RORA: variants seen among roughly 807,000 people sequenced by gnomAD.
RORA encodes RAR related orphan receptor A.
In RORA, 7 loss-of-function variants were observed where a neutral mutation model predicts 69.5. The ratio of observed to expected loss-of-function variants is 0.10; its 90% CI spans 0.06 to 0.19. The LOEUF (loss-of-function observed/expected upper bound fraction) is 0.19. Among genes scored for constraint, RORA ranks in the 10% least tolerant of loss-of-function variants. The pLI is 1.00. For missense variants in RORA, 457 were observed against 663.0 expected, an observed-to-expected ratio of 0.69 and a Z score of 3.41; for synonymous variants, 261 against 240.8, an observed-to-expected ratio of 1.08 and a Z score of -0.78.
chr15:61,198,346 C>T (rs544403206), intron 1 of RORA, among the ~76,000 whole-genome samples: 47 of 152,166 alleles, frequency 3.1e-4, no homozygotes, highest in Non-Finnish European at 5.6e-4. Flanking sequence ...AGGAAGATAA[C>T]CTAGATCTAG....
chr15:60,488,644 T>C lies in RORA; in HGVS notation c.*8811A>G, dbSNP rs1221030749. ...ATAAAGATCATTAGCAAAGTTTTAG[T>C]TCAATACTAGTTTTAGGATTCCCAT... On this transcript the variant is annotated 3_prime_UTR_variant, in exon 11 of 11. Transcript: ENST00000335670. 1 of 152,242 alleles carries C rather than the reference T, an allele frequency of 6.6e-6. No homozygotes were observed. The allele number at this position is 152,242 out of a possible 1,614,324, so 9.4% of individuals were successfully genotyped here.
chr15:61,019,433 T>C (rs1162477791), intron 1 of RORA, among the ~76,000 whole-genome samples: 5 of 152,226 alleles, frequency 3.3e-5, no homozygotes, highest in African/African-American at 1.2e-4. Context: ...TTATCAAGTA[T>C]ATACCAAACA....
chr15:60,704,167 C>T (rs138203776), intron 1 of RORA, among the ~76,000 whole-genome samples: 63 of 152,338 alleles, frequency 4.1e-4, no homozygotes, highest in African/African-American at 1.3e-3. Flanking sequence ...GACAAAAATG[C>T]GCCACTCCAA....
intron 1 of RORA, among the ~76,000 whole-genome samples, chr15:61,186,466 C>A (rs1025266159): frequency 4.0e-5 from 6 of 151,804 alleles, no homozygotes; most frequent in Non-Finnish European, 7.4e-5. Flanking sequence ...CATGGTGGAA[C>A]CCTGTCTCTA....
At chr15:61,212,593 T>C (rs1462247118) in intron 1 of RORA, among the ~76,000 whole-genome samples, 4 of 152,106 alleles carry the variant, frequency 2.6e-5, no homozygotes, top group African/African-American at 7.2e-5. Context: ...GGTTTCACCA[T>C]ATTGGCCAGG....
At chr15:60,897,890 G>C (rs1304565714) in intron 1 of RORA, among the ~76,000 whole-genome samples, 1 of 152,140 alleles carries the variant, frequency 6.6e-6, no homozygotes, top group Non-Finnish European at 1.5e-5. Context: ...AATAAATAGA[G>C]GATGACCCCT....
At chr15:61,099,813 G>T (rs2078850672) in intron 1 of RORA, among the ~76,000 whole-genome samples, 1 of 152,146 alleles carries the variant, frequency 6.6e-6, no homozygotes, top group Non-Finnish European at 1.5e-5. Context: ...TACTCATCAA[G>T]TCAGGAAACA....
intron 1 of RORA, among the ~76,000 whole-genome samples, chr15:60,681,215 G>A (rs1447004367): frequency 6.6e-6 from 1 of 152,194 alleles, no homozygotes; most frequent in Admixed American, 6.5e-5. Flanking sequence ...TGGGGAAACT[G>A]AGGCTCAGGA....
chr15:60,889,869 G>A (rs1411979452), intron 1 of RORA, among the ~76,000 whole-genome samples: 1 of 152,112 alleles, frequency 6.6e-6, no homozygotes, highest in Non-Finnish European at 1.5e-5. Context: ...CGTAAATCAC[G>A]ACAACTCTTT....
chr15:60,511,898 G>A lies in RORA; in HGVS notation c.425-277C>T. The A allele has an allele frequency of 2.7e-6, 1 of 368,406 alleles. No individual in the cohort carries two copies. The highest frequency in any genetic ancestry group is 5.0e-6 in the Non-Finnish European group (1 of 201,992). 22.8% of individuals were successfully genotyped at this position (368,406 alleles called of 1,614,324 possible). On this transcript the variant is annotated intron_variant, in intron 4 of 10. Coordinates refer to ENST00000335670, the MANE Select transcript of RORA (RefSeq NM_134261.3). This position sits in a 1 kb window ranked among gnomAD's most constrained non-coding sequence, Gnocchi z 6.4. ...AGAGAGATGCCACTTCTGTTTCCCT[G>A]CTGTCACATCCCCCGTTTCCACTGC...
At position 61,065,604 on chromosome 15, in the gene RORA, G is replaced by T. The variant is rs1292001844; in HGVS notation, c.166+163449C>A. On this transcript the variant is annotated intron_variant, in intron 1 of 10. Transcript: ENST00000335670. ...TTCAGATGACAATAATACTAGCCTG[G>T]GAGAGGCTGGTCAGAGAATATGGGG... Among the ~76,000 whole-genome samples, 8 of 152,144 alleles carry T rather than the reference G, an allele frequency of 5.3e-5. No homozygotes were observed. In the East Asian group the frequency reaches 7.7e-4, roughly 15 times the overall value.
rs2065090452 is a variant in RORA, at chr15:60,493,584, A to C, written c.*3871T>G. 6.6e-6 allele frequency: 1 copy of C among 152,236 alleles called. No individual in the cohort carries two copies. The highest frequency in any genetic ancestry group is 1.5e-5 in the Non-Finnish European group (1 of 68,038). 9.4% of individuals were successfully genotyped at this position (152,236 alleles called of 1,614,324 possible). ...ATTTCTACTATGGCACATTCAATGA[A>C]ATAAAAAGTTTTCCAAAGACAGATA... On this transcript the variant is annotated 3_prime_UTR_variant, in exon 11 of 11. Transcript: ENST00000335670.
intron 2 of RORA, chr15:60,546,595 T>G (rs1251304792): frequency 6.6e-6 from 1 of 152,216 alleles, no homozygotes; most frequent in African/African-American, 2.4e-5. Flanking sequence ...TTTTATATTT[T>G]TAAACATAAA....
chr15:61,065,260 T>C (rs1323169158), intron 1 of RORA, among the ~76,000 whole-genome samples: 1 of 152,258 alleles, frequency 6.6e-6, no homozygotes, highest in Admixed American at 6.5e-5. Flanking sequence ...TTATTTAGAC[T>C]ACGTGCTCCT....
chr15:60,883,607 G>C (rs936663288), intron 1 of RORA, among the ~76,000 whole-genome samples: 1 of 152,104 alleles, frequency 6.6e-6, no homozygotes, highest in Non-Finnish European at 1.5e-5. Flanking sequence ...ATTGTTGAAT[G>C]ATTAAAATGA....
chr15:60,911,480 A>C (rs1288646622), intron 1 of RORA, among the ~76,000 whole-genome samples: 1 of 152,152 alleles, frequency 6.6e-6, no homozygotes, highest in Non-Finnish European at 1.5e-5. Context: ...CTAGGATCTT[A>C]GGGGAAAGCC....
chr15:61,088,139 G>A (rs996401494), intron 1 of RORA, among the ~76,000 whole-genome samples: 1 of 152,140 alleles, frequency 6.6e-6, no homozygotes, highest in Non-Finnish European at 1.5e-5. Flanking sequence ...TCACATGTTG[G>A]CCAGAGTGAC....
intron 1 of RORA, among the ~76,000 whole-genome samples, chr15:60,950,026 G>C (rs539836496): frequency 1.3e-5 from 2 of 151,814 alleles, no homozygotes; most frequent in East Asian, 3.9e-4. Context: ...AAATGTTAAG[G>C]GCAGCCAGAG....
At chr15:61,152,126 G>A (rs762560760) in intron 1 of RORA, among the ~76,000 whole-genome samples, 1 of 152,156 alleles carries the variant, frequency 6.6e-6, no homozygotes, top group Non-Finnish European at 1.5e-5. Context: ...ATATCCTGGT[G>A]GAGAATCATA....
Sources: allele counts gnomAD v4.1 joint callset (sites outside exome capture counted in the v4.1 genomes callset), GRCh38; gene constraint gnomAD v4.1.1; non-coding constraint Gnocchi (gnomAD v3.1); transcripts MANE v1.5; gene names NCBI Gene and HGNC (gene_info 2026-07-23, HGNC 2026-07-21).